The following AIG1 variants were observed in gnomAD, a reference collection of about 807,000 sequenced individuals.
AIG1 encodes androgen-induced gene 1 protein.
In AIG1, 23 loss-of-function variants were observed where a neutral mutation model predicts 31.4. The ratio of observed to expected loss-of-function variants is 0.73; its 90% CI spans 0.53 to 1.04. The LOEUF is 1.04. Ranked by LOEUF, AIG1 falls within the 50% of genes least tolerant of loss-of-function variation. The pLI is 0.00. For missense variants in AIG1, 274 were observed against 295.0 expected, an observed-to-expected ratio of 0.93 and a Z score of 0.52; for synonymous variants, 100 against 110.5, an observed-to-expected ratio of 0.90 and a Z score of 0.60.
intron 3 of AIG1, among the ~76,000 whole-genome samples, chr6:143,226,666 A>C (rs1792986333): frequency 6.6e-6 from 1 of 152,172 alleles, no homozygotes; most frequent in African/African-American, 2.4e-5. Flanking sequence ...TTTGGAAGTG[A>C]AAATATAGAC....
intron 4 of AIG1, among the ~76,000 whole-genome samples, chr6:143,294,523 T>C (rs1379856771): frequency 1.3e-5 from 2 of 152,198 alleles, no homozygotes; most frequent in Non-Finnish European, 2.9e-5. Flanking sequence ...ATAATAATAA[T>C]AAGTCTCTCA....
intron 1 of AIG1, 81 bp from the exon 2 acceptor site, chr6:143,136,754 G>T (rs996201692): frequency 7.4e-6 from 9 of 1,213,632 alleles, no homozygotes; most frequent in Non-Finnish European, 8.6e-6. Flanking sequence ...ATGTCATGTT[G>T]TACACCAGCA....
At chr6:143,222,396 T>TG (rs202180718) in intron 3 of AIG1, among the ~76,000 whole-genome samples, 1,670 of 151,906 alleles carry the variant, frequency 0.011, 25 homozygotes, top group African/African-American at 0.035. Context: ...TGGTTTTTTT[T>TG]TTGTTGTTGT....
chr6:143,318,791 A>C (rs1020761661), intron 4 of AIG1, among the ~76,000 whole-genome samples: 29 of 152,110 alleles, frequency 1.9e-4, no homozygotes, highest in African/African-American at 7.0e-4. Context: ...AGGAAAAAAA[A>C]AAATCCCATT....
downstream of AIG1, chr6:143,342,306 G>C: frequency 1.5e-6 from 1 of 682,918 alleles, no homozygotes. Context: ...GGCTCCCCTG[G>C]TGCGCAGCAG....
At chr6:143,090,342 TAA>T (rs1221997609) in intron 1 of AIG1, among the ~76,000 whole-genome samples, 1 of 152,168 alleles carries the variant, frequency 6.6e-6, no homozygotes, top group Non-Finnish European at 1.5e-5. Flanking sequence ...GTTATATTTT[TAA>T]AAGTTTATAT....
At chr6:143,063,348 T>C (rs907031397) in intron 1 of AIG1, among the ~76,000 whole-genome samples, 5 of 152,378 alleles carry the variant, frequency 3.3e-5, no homozygotes, top group Admixed American at 6.5e-5. Flanking sequence ...TTAGCCAGCG[T>C]TGTAATTTTT....
intron 1 of AIG1, among the ~76,000 whole-genome samples, chr6:143,134,298 A>G (rs952500059): frequency 6.6e-6 from 1 of 150,482 alleles, no homozygotes; most frequent in Non-Finnish European, 1.5e-5. Flanking sequence ...ATTCCCATGC[A>G]TTTCTTCATG....
At chr6:143,324,041 T>G (rs962673871) in intron 4 of AIG1, among the ~76,000 whole-genome samples, 1 of 152,170 alleles carries the variant, frequency 6.6e-6, no homozygotes, top group Non-Finnish European at 1.5e-5. Context: ...GGAGGTACCA[T>G]GAGAGGCTCA....
intron 1 of AIG1, among the ~76,000 whole-genome samples, chr6:143,101,255 A>G (rs1189690415): frequency 6.6e-6 from 1 of 152,156 alleles, no homozygotes; most frequent in Non-Finnish European, 1.5e-5. Context: ...ACTGAGACCA[A>G]TGCAGGAAAA....
Position 143,327,573 on chromosome 6 carries a change from CA to C in AIG1, c.516-5706del. On this transcript the variant is annotated intron_variant, in intron 4 of 5. Coordinates refer to ENST00000357847, the MANE Select transcript of AIG1 (RefSeq NM_016108.4). This position sits in a 1 kb window ranked among gnomAD's most constrained non-coding sequence, Gnocchi z 5.3. ...AAATATTCTGAGGATGAAGATTCAC[CA>C]AATAAGCTCTATACTTCAGTTACCT... 1 of 370,866 alleles carries C rather than the reference CA, an allele frequency of 2.7e-6. No individual in the cohort carries two copies. Among genetic ancestry groups the C allele is most frequent in the Non-Finnish European group, 5.1e-6 (1 of 196,224 alleles). 23.0% of individuals were successfully genotyped at this position (370,866 alleles called of 1,614,324 possible). A position where few individuals can be genotyped will look rare whatever the true frequency, so the allele number is the denominator to read the frequency against.
chr6:143,337,008 T>A (rs1777540495), intron 5 of AIG1, among the ~76,000 whole-genome samples: 1 of 152,186 alleles, frequency 6.6e-6, no homozygotes, highest in Admixed American at 6.5e-5. Flanking sequence ...TTGAAAATAA[T>A]CCTCTTTGGC....
In AIG1 at chr6:143,334,163, AGGTGG is replaced by A; in HGVS notation, c.679+719_679+723del. 1 of 1,473,728 alleles carries A rather than the reference AGGTGG, an allele frequency of 6.8e-7. No individual in the cohort carries two copies. The highest frequency in any genetic ancestry group is 1.4e-5 in the African/African-American group (1 of 71,042). 91.3% of individuals were successfully genotyped at this position (1,473,728 alleles called of 1,614,324 possible). ...TATGTACAATAACATAAAAATTGAA[AGGTGG>A]AAAAAGCGCCAGCACAGACATGTAG... On this transcript the variant is annotated intron_variant, in intron 5 of 5. Transcript: ENST00000357847. The surrounding 1 kb of genome is among the most constrained non-coding windows in gnomAD (Gnocchi z 5.1).
intron 3 of AIG1, among the ~76,000 whole-genome samples, chr6:143,250,538 G>A (rs984176831): frequency 6.6e-5 from 10 of 152,208 alleles, no homozygotes; most frequent in African/African-American, 2.4e-4. Flanking sequence ...TCAGGATCTT[G>A]AGAGGAGTTT....
chr6:143,193,291 A>G (rs1789951128), intron 3 of AIG1, among the ~76,000 whole-genome samples: 1 of 152,174 alleles, frequency 6.6e-6, no homozygotes, highest in Non-Finnish European at 1.5e-5. Flanking sequence ...AGTGCCTTTA[A>G]GCCGTAGCCA....
intron 3 of AIG1, among the ~76,000 whole-genome samples, chr6:143,222,472 G>A (rs1792605328): frequency 1.3e-5 from 2 of 152,014 alleles, no homozygotes; most frequent in African/African-American, 4.8e-5. Flanking sequence ...GATAAGAAAA[G>A]TGCTGGCCCC....
chr6:143,343,022 G>A (rs1281413445), downstream of AIG1: 4 of 841,796 alleles, frequency 4.8e-6, no homozygotes, highest in East Asian at 7.2e-5. Context: ...AATTTTGTCA[G>A]TTATGTGTGT....
chr6:143,081,439 A>G (rs991853997), intron 1 of AIG1, among the ~76,000 whole-genome samples: 8 of 151,550 alleles, frequency 5.3e-5, no homozygotes, highest in African/African-American at 1.9e-4. Flanking sequence ...GCCTCCACCC[A>G]ACCAGTGAAA....
intron 4 of AIG1, among the ~76,000 whole-genome samples, chr6:143,309,151 A>G (rs953396134): frequency 1.3e-5 from 2 of 152,040 alleles, no homozygotes; most frequent in Non-Finnish European, 2.9e-5. Flanking sequence ...GTATTGAAAG[A>G]CAAAAGCCGT....
Sources: gnomAD v4.1 joint callset for allele counts (sites outside exome capture counted in the v4.1 genomes callset) on GRCh38, gnomAD v4.1.1 for gene constraint, Gnocchi (gnomAD v3.1) non-coding constraint, MANE v1.5 for transcripts, NCBI Gene and HGNC (gene_info 2026-07-23, HGNC 2026-07-21) for gene names.